The following HSD17B14 variants were observed in gnomAD, a reference collection of about 807,000 sequenced individuals.
HSD17B14 encodes the protein hydroxysteroid 17-beta dehydrogenase 14.
Under a neutral mutation model 32.2 loss-of-function variants are expected in HSD17B14, and 32 were observed. The ratio of observed to expected loss-of-function variants is 0.99; its 90% confidence interval spans 0.75 to 1.33. The LOEUF (loss-of-function observed/expected upper bound fraction) is 1.33. Among genes scored for constraint, HSD17B14 ranks in the 40% most tolerant of loss-of-function variants. The probability of loss-of-function intolerance (pLI) is 0.00; values close to 1 mark genes in which losing one functional copy is unlikely to be tolerated. For missense variants in HSD17B14, 370 were observed against 366.5 expected, an observed-to-expected ratio of 1.01 and a Z score of -0.08; for synonymous variants, 140 against 155.4, an observed-to-expected ratio of 0.90 and a Z score of 0.74.
rs2035028623 is a variant in HSD17B14 at position 48,815,066 on chromosome 19, C to T, written c.445G>A (p.Ala149Thr). The T allele has an allele frequency of 1.2e-6, 2 of 1,613,894 alleles. No individual in the cohort carries two copies. The highest frequency in any genetic ancestry group is 2.2e-5 in the South Asian group (2 of 91,078). ...GTGGCCACATAGGGAACTGCCTGGG[C>T]CTGGCCGATTGCCCCCACCAGGCTG... ...ISSLVGAIGQ[A>T]QAVPYVATKG... Residue 149 changes from alanine to threonine, a missense_variant, in exon 6 of 9, where the codon GCC becomes ACC. Transcript: ENST00000263278.
rs191805157 is a variant in HSD17B14 at position 48,827,937 on chromosome 19, C to A, written c.369+3731G>T. The stretch of plus-strand genomic sequence containing the variant: ...TGATGCAATCTCGGCTCACTGCAAC[C>A]TCCGCCTCCCGGGTTCACGCCATTC... On this transcript the variant is annotated intron_variant, in intron 5 of 8. Coordinates refer to ENST00000263278, the MANE Select transcript of HSD17B14 (RefSeq NM_016246.3). Among the ~76,000 whole-genome samples, 414 of 151,792 alleles carry A rather than the reference C, an allele frequency of 2.7e-3. 10 individuals are homozygous for A. Among genetic ancestry groups the A allele is most frequent in the Admixed American group, 0.025 (377 of 15,192 alleles).
chr19:48,824,720 C>T (rs1012302503), intron 5 of HSD17B14, among the ~76,000 whole-genome samples: 21 of 147,902 alleles, frequency 1.4e-4, no homozygotes, highest in Admixed American at 8.9e-4. Context: ...GAGCTGAGAT[C>T]GTGTCACTGC....
chr19:48,832,608 C>T, intron 4 of HSD17B14, 58 bp downstream of exon 4: 3 of 1,456,506 alleles, frequency 2.1e-6, no homozygotes, highest in Non-Finnish European at 1.9e-6. Flanking sequence ...AACTGACGTG[C>T]AGGAAACAGA....
Position 48,822,074 on chromosome 19 carries a change from CAATGGT to C in HSD17B14, c.370-6939_370-6934del, listed in dbSNP as rs2035161672. Among the ~76,000 whole-genome samples, 7 of 110,670 alleles carry C rather than the reference CAATGGT, an allele frequency of 6.3e-5. No homozygotes were observed. In the East Asian group the frequency reaches 1.2e-3, roughly 19 times the overall value. 72.6% of individuals were successfully genotyped at this position (110,670 alleles called of 152,430 possible). On this transcript the variant is annotated intron_variant, in intron 5 of 8. Transcript: ENST00000263278. ...GTGATGATGGTGATGATTGTGGTAA[CAATGGT>C]GATGGTGATGATGGTGGTGATGATG...
chr19:48,830,955 C>A (rs1232432711), intron 5 of HSD17B14, among the ~76,000 whole-genome samples: 1 of 152,054 alleles, frequency 6.6e-6, no homozygotes, highest in African/African-American at 2.4e-5. Flanking sequence ...CCTCCCACCT[C>A]AGCCACCTGA....
chr19:48,815,141 G>A lies in HSD17B14; in HGVS notation c.370C>T (p.Leu124Phe). 4 of 1,612,718 alleles carry A rather than the reference G, an allele frequency of 2.5e-6. No homozygotes were observed. The highest frequency in any genetic ancestry group is 3.4e-6 in the Non-Finnish European group (4 of 1,178,872). ...CTCTTCCGCAGGTAGGGGAGGGCGA[G>A]CTAGGGAGACAAGAGGCCAAGTAAG... ...NLLGTYTLTK[L>F]ALPYLRKSQG... Residue 124 changes from leucine (L) to phenylalanine (F), a missense_variant and splice_region_variant, in exon 6 of 9, where the codon CTC (leucine) becomes TTC (phenylalanine). Leu to Phe is a conservative substitution (Grantham distance 22, BLOSUM62 0). Coordinates refer to ENST00000263278, the MANE Select transcript of HSD17B14 (RefSeq NM_016246.3).
Position 48,834,468 on chromosome 19 carries a change from G to A in HSD17B14, c.128-110C>T, listed in dbSNP as rs375503895. On this transcript the variant is annotated intron_variant, in intron 2 of 8. Coordinates refer to ENST00000263278, the MANE Select transcript of HSD17B14 (RefSeq NM_016246.3). Reference sequence around the variant, plus strand: ...GGAGGTGCTGGGGGCCTGGACTCCTGGGTCTGAGGGAGGAGGGGCTGAGGT... The same window carrying A: ...GGAGGTGCTGGGGGCCTGGACTCCTAGGTCTGAGGGAGGAGGGGCTGAGGT... The A allele has an allele frequency of 5.2e-4, 292 of 563,240 alleles. 3 individuals are homozygous for A. Among genetic ancestry groups the A allele is most frequent in the African/African-American group, 2.4e-3 (111 of 45,770 alleles). The allele number at this position is 563,240 out of a possible 1,614,324, so 34.9% of individuals were successfully genotyped here.
chr19:48,832,078 A>AG (rs1399397598), intron 4 of HSD17B14, among the ~76,000 whole-genome samples: 1 of 108,276 alleles, frequency 9.2e-6, no homozygotes, highest in African/African-American at 4.7e-5. Context: ...ACCCCATCTC[A>AG]GAAAAAAAAA....
At chr19:48,834,205 G>C in intron 3 of HSD17B14, 71 bp downstream of exon 3, 1 of 1,271,150 alleles carries the variant, frequency 7.9e-7, no homozygotes, top group East Asian at 2.3e-5. Flanking sequence ...AAAGGCATAT[G>C]CAAATGGCTG....
chr19:48,820,626 G>A (rs2035130466), intron 5 of HSD17B14, among the ~76,000 whole-genome samples: 1 of 149,942 alleles, frequency 6.7e-6, no homozygotes, highest in African/African-American at 2.4e-5. Context: ...CCGCCTCCCA[G>A]GTTCAAGCAA....
At chr19:48,828,070 G>C (rs554140041) in intron 5 of HSD17B14, among the ~76,000 whole-genome samples, 2 of 151,492 alleles carry the variant, frequency 1.3e-5, no homozygotes, top group Non-Finnish European at 2.9e-5. Flanking sequence ...TAGCCAAGAT[G>C]GTCTCGATCT....
chr19:48,830,862 C>G (rs2035325481), intron 5 of HSD17B14, among the ~76,000 whole-genome samples: 1 of 134,130 alleles, frequency 7.5e-6, no homozygotes, highest in Non-Finnish European at 1.6e-5. Flanking sequence ...ATTTTTGAGA[C>G]AGCATCTTGC....
At chr19:48,830,941 C>T (rs1311717109) in intron 5 of HSD17B14, among the ~76,000 whole-genome samples, 2 of 151,950 alleles carry the variant, frequency 1.3e-5, no homozygotes, top group Non-Finnish European at 2.9e-5. Context: ...TGGGCTCAAA[C>T]GATCCTCCCA....
chr19:48,829,976 AT>A (rs569171720), intron 5 of HSD17B14, among the ~76,000 whole-genome samples: 14 of 145,344 alleles, frequency 9.6e-5, no homozygotes, highest in Admixed American at 2.1e-4. Context: ...TTAATGAATT[AT>A]TTTTTTTTTG....
intron 5 of HSD17B14, among the ~76,000 whole-genome samples, chr19:48,818,313 AAAAAGAAAAAAG>A (rs2035090387): frequency 1.1e-5 from 1 of 88,384 alleles, no homozygotes; most frequent in African/African-American, 4.4e-5. Context: ...TGTCTCAAAA[AAAAAGAAAAAAG>A]AAAAAAGAAA....
At chr19:48,818,313 A>C (rs1186897834) in intron 5 of HSD17B14, among the ~76,000 whole-genome samples, 1 of 88,386 alleles carries the variant, frequency 1.1e-5, no homozygotes, top group Non-Finnish European at 2.4e-5. Context: ...TGTCTCAAAA[A>C]AAAAGAAAAA....
intron 5 of HSD17B14, among the ~76,000 whole-genome samples, chr19:48,816,783 C>CTT (rs1555775889): frequency 1.0e-5 from 1 of 98,410 alleles, no homozygotes; most frequent in African/African-American, 4.7e-5. Flanking sequence ...GACCCTTTTT[C>CTT]TTTCTTTCTT....
chr19:48,815,805 T>C lies in HSD17B14; in HGVS notation c.370-664A>G, dbSNP rs1302697106. Among the ~76,000 whole-genome samples the C allele has an allele frequency of 2.0e-5, 3 of 151,988 alleles. 1 individual carries two copies. Among genetic ancestry groups the C allele is most frequent in the Non-Finnish European group, 1.5e-5 (1 of 67,992 alleles). On this transcript the variant is annotated intron_variant, in intron 5 of 8. Transcript: ENST00000263278. ...GGGAGGCTGAGGTGGGTGGATCATC[T>C]GAGGTCAGAATTTTGAGACCAGCCT... is the stretch of plus-strand genomic sequence containing the variant.
intron 5 of HSD17B14, among the ~76,000 whole-genome samples, chr19:48,816,307 G>T: frequency 6.6e-6 from 1 of 152,114 alleles, no homozygotes; most frequent in East Asian, 1.9e-4. Flanking sequence ...TGAGCTCCCT[G>T]CCCGGTTCCC....
Sources: allele counts gnomAD v4.1 joint callset (sites outside exome capture counted in the v4.1 genomes callset), GRCh38; gene constraint gnomAD v4.1.1; transcripts MANE v1.5; gene names NCBI Gene and HGNC (gene_info 2026-07-23, HGNC 2026-07-21).